The following PITPNC1 variants were observed in gnomAD, a reference collection of about 807,000 sequenced individuals.
PITPNC1 encodes cytoplasmic phosphatidylinositol transfer protein 1.
PITPNC1 carries 18 observed loss-of-function variants against 44.7 expected under a neutral mutation model. The observed-to-expected ratio is 0.40, with a 90% CI of 0.28 to 0.60. PITPNC1 has a LOEUF of 0.60. Ranked by LOEUF, PITPNC1 falls within the 20% of genes least tolerant of loss-of-function variation. The pLI, the probability that PITPNC1 is intolerant of heterozygous loss-of-function variation, is 0.39. For missense variants in PITPNC1, 290 were observed against 418.4 expected (o/e 0.69, Z 2.68); for synonymous variants, 141 against 149.6 (o/e 0.94, Z 0.42).
At chr17:67,638,290 C>G (rs2042056044) in intron 6 of PITPNC1, 1 of 152,232 alleles carries the variant, frequency 6.6e-6, no homozygotes, top group Admixed American at 6.5e-5. Context: ...CAGGACTAGC[C>G]CAGGCTGGAG....
At chr17:67,644,756 A>G (rs1433268138) in intron 6 of PITPNC1, among the ~76,000 whole-genome samples, 5 of 152,138 alleles carry the variant, frequency 3.3e-5, no homozygotes, top group Admixed American at 6.5e-5. Context: ...ACAGGCAATG[A>G]GTCCACACAA....
At position 67,511,802 on chromosome 17, in the gene PITPNC1, C is replaced by A. The variant is rs371945306; in HGVS notation, c.49-21000C>A. ...GGGATTACAGGCATGAGCCATTGCACCCAGCCTGGCTAGCTTTTTAAATTT... is the reference window on the plus strand; with the variant it reads ...GGGATTACAGGCATGAGCCATTGCAACCAGCCTGGCTAGCTTTTTAAATTT... On this transcript the variant is annotated intron_variant, in intron 1 of 8. Coordinates refer to ENST00000581322, the MANE Select transcript of PITPNC1 (RefSeq NM_012417.4). 5.9e-5 allele frequency among the ~76,000 whole-genome samples: 9 copies of A among 152,166 alleles called. No individual in the cohort carries two copies. In the East Asian group the frequency reaches 1.7e-3, roughly 29 times the overall value.
At chr17:67,629,133 G>T (rs2041932404) in intron 5 of PITPNC1, among the ~76,000 whole-genome samples, 1 of 152,058 alleles carries the variant, frequency 6.6e-6, no homozygotes, top group South Asian at 2.1e-4. Flanking sequence ...TCCGTGCTTA[G>T]TTCCCTTTCT....
intron 2 of PITPNC1, among the ~76,000 whole-genome samples, chr17:67,534,643 AAAAAG>A (rs150673350): frequency 0.031 from 4,680 of 151,992 alleles, 82 homozygotes; most frequent in Middle Eastern, 0.055. Flanking sequence ...TGTCTCAAAA[AAAAAG>A]AAAAGAAAAG....
intron 5 of PITPNC1, among the ~76,000 whole-genome samples, chr17:67,623,963 T>G (rs2041864172): frequency 1.3e-5 from 2 of 152,124 alleles, no homozygotes; most frequent in South Asian, 4.1e-4. Context: ...CAAAGAGAAA[T>G]CTAGGCTGAT....
chr17:67,586,214 T>C (rs1338064621), intron 5 of PITPNC1, among the ~76,000 whole-genome samples: 1 of 152,152 alleles, frequency 6.6e-6, no homozygotes, highest in East Asian at 1.9e-4. Context: ...TGGGAACTTA[T>C]TCAAGGATTT....
At chr17:67,488,783 A>G (rs569521702) in intron 1 of PITPNC1, among the ~76,000 whole-genome samples, 52 of 152,278 alleles carry the variant, frequency 3.4e-4, no homozygotes, top group African/African-American at 1.2e-3. Flanking sequence ...TTTCAGAGCC[A>G]CTTTCTGTCC....
intron 5 of PITPNC1, among the ~76,000 whole-genome samples, chr17:67,625,901 C>T (rs916701802): frequency 5.3e-5 from 8 of 151,968 alleles, no homozygotes; most frequent in African/African-American, 1.2e-4. Flanking sequence ...CAGAAAAATA[C>T]GCCTTCTCAA....
At chr17:67,629,976 GAGA>G (rs1567748676) in intron 5 of PITPNC1, among the ~76,000 whole-genome samples, 1 of 152,220 alleles carries the variant, frequency 6.6e-6, no homozygotes, top group Non-Finnish European at 1.5e-5. Context: ...TAGGCAAGAA[GAGA>G]AGAACCACCA....
intron 6 of PITPNC1, among the ~76,000 whole-genome samples, chr17:67,650,808 G>A (rs183038702): frequency 1.3e-5 from 2 of 152,222 alleles, no homozygotes; most frequent in African/African-American, 4.8e-5. Context: ...CATTTGCCTC[G>A]TCCCTCTTCT....
intron 1 of PITPNC1, chr17:67,524,617 T>G (rs1258080075): frequency 6.6e-6 from 1 of 151,870 alleles, no homozygotes; most frequent in African/African-American, 2.4e-5. Context: ...ATTTTAGACT[T>G]AAACAGCACT....
intron 1 of PITPNC1, among the ~76,000 whole-genome samples, chr17:67,440,906 T>C (rs2143921029): frequency 1.3e-5 from 2 of 152,104 alleles, no homozygotes; most frequent in Admixed American, 1.3e-4. Flanking sequence ...GGGAACATTA[T>C]GACACCCAAT....
chr17:67,598,469 AGGTGATG>A (rs941762360), intron 5 of PITPNC1, among the ~76,000 whole-genome samples: 16 of 152,208 alleles, frequency 1.1e-4, no homozygotes, highest in African/African-American at 3.4e-4. Context: ...AATCACCGCA[AGGTGATG>A]GCATTAGGAG....
chr17:67,600,767 C>A (rs1025424211), intron 5 of PITPNC1, among the ~76,000 whole-genome samples: 2 of 150,892 alleles, frequency 1.3e-5, no homozygotes, highest in Non-Finnish European at 3.0e-5. Context: ...AAAGTAATTG[C>A]GATTTTTGCC....
chr17:67,624,214 C>CTTTTTTTTTTTTTTT (rs71139163), intron 5 of PITPNC1, among the ~76,000 whole-genome samples: 2 of 127,120 alleles, frequency 1.6e-5, no homozygotes, highest in African/African-American at 3.0e-5. Context: ...TCTTTCTTTT[C>CTTTTTTTTTTTTTTT]TTTTTTTTTT....
At chr17:67,477,044 GACAT>G (rs1337071672) in intron 1 of PITPNC1, among the ~76,000 whole-genome samples, 168 of 152,248 alleles carry the variant, frequency 1.1e-3, no homozygotes, top group Non-Finnish European at 3.7e-4. Flanking sequence ...TTTGAGATCA[GACAT>G]ACAGTGCTAT....
At chr17:67,396,034 C>T (rs1270578220) in intron 1 of PITPNC1, among the ~76,000 whole-genome samples, 1 of 152,192 alleles carries the variant, frequency 6.6e-6, no homozygotes, top group African/African-American at 2.4e-5. Context: ...AACTTGGACA[C>T]AGCTGAGTGT....
intron 6 of PITPNC1, among the ~76,000 whole-genome samples, chr17:67,633,879 ACT>A (rs1406996926): frequency 1.3e-5 from 2 of 152,062 alleles, no homozygotes; most frequent in African/African-American, 4.8e-5. Flanking sequence ...TTGCCAGAAA[ACT>A]CTGAACTAAT....
intron 5 of PITPNC1, among the ~76,000 whole-genome samples, chr17:67,602,192 G>T (rs2041548558): frequency 6.6e-6 from 1 of 152,154 alleles, no homozygotes; most frequent in Admixed American, 6.5e-5. Context: ...TTGTCTTCAG[G>T]GTAGGTTCAG....
Sources: gnomAD v4.1 joint callset for allele counts (sites outside exome capture counted in the v4.1 genomes callset) on GRCh38, gnomAD v4.1.1 for gene constraint, MANE v1.5 for transcripts, NCBI Gene and HGNC (gene_info 2026-07-23, HGNC 2026-07-21) for gene names.